ERICH1: variants seen among roughly 807,000 people sequenced by gnomAD.
ERICH1 encodes the protein glutamate-rich protein 1.
In ERICH1, 56 loss-of-function variants were observed where a neutral mutation model predicts 39.6. That is an observed-to-expected ratio of 1.41 (90% CI 1.14 to 1.77). The LOEUF is 1.77. Among genes scored for constraint, ERICH1 ranks in the 40% most tolerant of loss-of-function variants. The pLI, the probability that ERICH1 is intolerant of heterozygous loss-of-function variation, is 0.00. For missense variants in ERICH1, 826 were observed against 575.4 expected (o/e 1.44, Z -4.45); for synonymous variants, 313 against 223.6 (o/e 1.40, Z -3.57).
intron 3 of ERICH1, among the ~76,000 whole-genome samples, chr8:691,925 T>C (rs1300788618): frequency 6.6e-6 from 1 of 152,220 alleles, no homozygotes; most frequent in Non-Finnish European, 1.5e-5. Context: ...AGGTAAAAAG[T>C]ATATGGGCAA....
At chr8:636,699 C>G (rs1563173866) in intron 3 of ERICH1, among the ~76,000 whole-genome samples, 1 of 152,266 alleles carries the variant, frequency 6.6e-6, no homozygotes, top group East Asian at 1.9e-4. Flanking sequence ...GCTGTGCAGC[C>G]TCCGACACTG....
intron 1 of ERICH1, among the ~76,000 whole-genome samples, chr8:718,907 C>A (rs1816655371): frequency 6.6e-6 from 1 of 152,184 alleles, no homozygotes; most frequent in Non-Finnish European, 1.5e-5. Flanking sequence ...TGCGGTTTGT[C>A]ATTGCACTCC....
intron 2 of ERICH1, among the ~76,000 whole-genome samples, chr8:706,493 G>T (rs1034207653): frequency 6.6e-6 from 1 of 152,178 alleles, no homozygotes; most frequent in Non-Finnish European, 1.5e-5. Context: ...AAAAGATAAG[G>T]CCAGGCGCAG....
At chr8:692,082 A>G (rs1046412244) in intron 3 of ERICH1, among the ~76,000 whole-genome samples, 1 of 152,204 alleles carries the variant, frequency 6.6e-6, no homozygotes, top group Non-Finnish European at 1.5e-5. Flanking sequence ...TACAGATTTG[A>G]TGTACAATGT....
At chr8:668,839 C>G (rs528363820) in intron 4 of ERICH1, 47 bp from the exon 5 acceptor site, 1 of 1,513,612 alleles carries the variant, frequency 6.6e-7, no homozygotes. Context: ...GTTTTTATTT[C>G]TATAAACTAA....
At chr8:671,218 C>T (rs1375840247) in intron 4 of ERICH1, among the ~76,000 whole-genome samples, 5 of 141,284 alleles carry the variant, frequency 3.5e-5, no homozygotes, top group African/African-American at 1.1e-4. Flanking sequence ...AATGTCTGTG[C>T]CCACTGGTCC....
intron 2 of ERICH1, among the ~76,000 whole-genome samples, chr8:708,696 T>TTTTTTG (rs1563319654): frequency 1.4e-5 from 2 of 138,258 alleles, no homozygotes; most frequent in African/African-American, 2.7e-5. Context: ...TTTTTTTTTT[T>TTTTTTG]TTTTTTTTTT....
At chr8:641,061 C>T in intron 3 of ERICH1, 1 of 152,172 alleles carries the variant, frequency 6.6e-6, no homozygotes, top group East Asian at 1.9e-4. Flanking sequence ...ATACTTGAGT[C>T]AGCCCCTCTC....
chr8:654,052 G>A (rs533953518), intron 3 of ERICH1, among the ~76,000 whole-genome samples: 16 of 152,110 alleles, frequency 1.1e-4, no homozygotes, highest in Middle Eastern at 3.2e-3. Flanking sequence ...GAGGGGTTGC[G>A]GAGTTCCTGT....
At chr8:665,709 C>A (rs1200357945) in intron 5 of ERICH1, among the ~76,000 whole-genome samples, 4 of 152,312 alleles carry the variant, frequency 2.6e-5, no homozygotes, top group Non-Finnish European at 4.4e-5. Flanking sequence ...TAAAACGTCA[C>A]AGAAGCGGGA....
chr8:649,649 G>A (rs1051218151), intron 3 of ERICH1, among the ~76,000 whole-genome samples: 6 of 152,190 alleles, frequency 3.9e-5, no homozygotes, highest in Non-Finnish European at 8.8e-5. Flanking sequence ...AGCCCTTCCT[G>A]CAGGAAGGTG....
intron 1 of ERICH1, among the ~76,000 whole-genome samples, chr8:728,343 C>CAGG (rs1005269265): frequency 1.3e-5 from 2 of 152,206 alleles, no homozygotes; most frequent in Non-Finnish European, 2.9e-5. Flanking sequence ...TGGGAACCGT[C>CAGG]CAGGGAGGAG....
chr8:633,584 A>T (rs190753156), intron 3 of ERICH1, among the ~76,000 whole-genome samples: 88 of 152,326 alleles, frequency 5.8e-4, no homozygotes, highest in African/African-American at 2.1e-3. Context: ...TACCCAAAAC[A>T]ATCCTAAAAA....
At chr8:660,315 C>T (rs924487976), downstream of ERICH1, among the ~76,000 whole-genome samples, 7 of 152,256 alleles carry the variant, frequency 4.6e-5, no homozygotes, top group Non-Finnish European at 7.3e-5. Flanking sequence ...AGGCAGATTA[C>T]CTGGGCAGGC....
In ERICH1 at chr8:673,375, C is replaced by T. The variant is rs1237816467; in HGVS notation, c.977G>A (p.Ser326Asn). 6.2e-7 allele frequency: 1 copy of T among 1,614,218 alleles called. No individual in the cohort carries two copies. The highest frequency in any genetic ancestry group is 8.5e-7 in the Non-Finnish European group (1 of 1,180,028). The part of the protein sequence containing the change: ...DSGEEDGADA[S>N]EEDDTITNEK... ...ATTGGTAATTGTATCATCTTCCTCG[C>T]TGGCGTCTGCACCGTCCTCCTCCCC... The change falls in exon 4 of 6, where the codon AGC becomes AAC. Residue 326 changes from serine to asparagine, a missense_variant. Transcript: ENST00000262109.
intron 3 of ERICH1, chr8:615,760 C>CACCCATTG (rs1796872965): frequency 6.5e-6 from 1 of 152,968 alleles, no homozygotes; most frequent in Non-Finnish European, 1.5e-5. Flanking sequence ...ACAGAAAAAA[C>CACCCATTG]ACCCATTGCT....
chr8:643,461 G>A (rs1585017723), intron 3 of ERICH1, among the ~76,000 whole-genome samples: 1 of 152,108 alleles, frequency 6.6e-6, no homozygotes, highest in African/African-American at 2.4e-5. Flanking sequence ...TTGCAGACTG[G>A]GGATAGGACT....
intron 3 of ERICH1, among the ~76,000 whole-genome samples, chr8:625,495 G>T (rs927056115): frequency 7.9e-5 from 12 of 152,144 alleles, no homozygotes; most frequent in Non-Finnish European, 1.3e-4. Context: ...GCATGGTGAG[G>T]TCTAAAGAGC....
At chr8:706,825 T>C (rs1285771890) in intron 2 of ERICH1, among the ~76,000 whole-genome samples, 2 of 152,054 alleles carry the variant, frequency 1.3e-5, no homozygotes, top group South Asian at 2.1e-4. Context: ...CTACAAAAGA[T>C]GGTTGAAAGA....
Sources: allele counts gnomAD v4.1 joint callset (sites outside exome capture counted in the v4.1 genomes callset), GRCh38; gene constraint gnomAD v4.1.1; transcripts MANE v1.5; gene names NCBI Gene and HGNC (gene_info 2026-07-23, HGNC 2026-07-21).